AGBL4: variants seen among roughly 807,000 people sequenced by gnomAD.
AGBL4 encodes cytosolic carboxypeptidase 6.
Under a neutral mutation model 66.4 loss-of-function variants are expected in AGBL4, and 58 were observed. The ratio of observed to expected loss-of-function variants is 0.87; its 90% CI spans 0.71 to 1.09. AGBL4 has a LOEUF of 1.09. AGBL4 is among the 50% of genes least tolerant of loss of function. AGBL4 has a pLI of 0.00. For synonymous variants in AGBL4, 234 were observed against 222.9 expected (o/e 1.05, Z -0.44); for missense variants, 579 against 631.0 (o/e 0.92, Z 0.88).
intron 3 of AGBL4, among the ~76,000 whole-genome samples, chr1:49,645,641 T>C (rs1387106452): frequency 6.6e-6 from 1 of 151,138 alleles, no homozygotes; most frequent in Non-Finnish European, 1.5e-5. Flanking sequence ...ATCAAATTTA[T>C]AAAATCTCTT....
chr1:49,203,349 G>T (rs181345), intron 4 of AGBL4, among the ~76,000 whole-genome samples: 141,391 of 152,104 alleles, frequency 0.93, 65,821 homozygotes, highest in South Asian at 0.95. Context: ...ATATACACAA[G>T]AGCCAAGTTG....
At chr1:49,737,685 G>C (rs1459333197) in intron 2 of AGBL4, among the ~76,000 whole-genome samples, 2 of 152,128 alleles carry the variant, frequency 1.3e-5, no homozygotes, top group African/African-American at 4.8e-5. Context: ...TAAAATAAAA[G>C]TTGATATTTG....
Position 48,634,561 on chromosome 1 carries a change from G to T in AGBL4, c.883C>A (p.Pro295Thr). 1 of 1,606,348 alleles carries T rather than the reference G, an allele frequency of 6.2e-7. No homozygotes were observed. The highest frequency in any genetic ancestry group is 1.3e-5 in the African/African-American group (1 of 74,928). The change falls in exon 9 of 14, where the codon CCC becomes ACC. Residue 295 changes from proline (P) to threonine (T), a missense_variant. Coordinates refer to ENST00000371839, the MANE Select transcript of AGBL4 (RefSeq NM_032785.4). Reference protein sequence around the residue: ...GFDLNRHWLDPSPWVHPTLHG... With the variant: ...GFDLNRHWLDTSPWVHPTLHG... ...AGGGTAGGATGGACCCATGGAGAGG[G>T]ATCCAGCCAGTGACGATTCAGATCA...
At chr1:49,815,002 T>G (rs1440140485) in intron 2 of AGBL4, among the ~76,000 whole-genome samples, 1 of 152,156 alleles carries the variant, frequency 6.6e-6, no homozygotes, top group Non-Finnish European at 1.5e-5. Flanking sequence ...CCCTCAAGCG[T>G]TTATCCCTTG....
At chr1:49,128,152 G>GA (rs1214957541) in intron 4 of AGBL4, among the ~76,000 whole-genome samples, 1 of 151,944 alleles carries the variant, frequency 6.6e-6, no homozygotes, top group East Asian at 1.9e-4. Flanking sequence ...TTCTAGAGAT[G>GA]AAAAAATCCA....
At chr1:49,261,776 C>A (rs1179689735) in intron 3 of AGBL4, among the ~76,000 whole-genome samples, 68 of 147,656 alleles carry the variant, frequency 4.6e-4, no homozygotes, top group Admixed American at 3.0e-3. Context: ...ATCAAGCTAC[C>A]AATGACTTTC....
chr1:48,945,315 C>T (rs544322581), intron 5 of AGBL4, among the ~76,000 whole-genome samples: 68 of 152,206 alleles, frequency 4.5e-4, no homozygotes, highest in South Asian at 1.5e-3. Context: ...CAGAGAGACA[C>T]GGTTTGGAAA....
chr1:49,176,305 G>C (rs982489500), intron 4 of AGBL4, among the ~76,000 whole-genome samples: 2 of 152,120 alleles, frequency 1.3e-5, no homozygotes, highest in Non-Finnish European at 2.9e-5. Context: ...GTAAAAAGAA[G>C]TGAAGTCTCC....
At chr1:49,962,751 A>G (rs1657220594) in intron 1 of AGBL4, among the ~76,000 whole-genome samples, 1 of 152,148 alleles carries the variant, frequency 6.6e-6, no homozygotes, top group Admixed American at 6.6e-5. Flanking sequence ...ATAGTAATTT[A>G]CTTGACAATG....
chr1:49,569,468 T>C (rs1338787193), intron 3 of AGBL4, among the ~76,000 whole-genome samples: 3 of 152,170 alleles, frequency 2.0e-5, no homozygotes, highest in Non-Finnish European at 4.4e-5. Context: ...TATTAAAACA[T>C]TTCATGTACC....
At chr1:49,150,929 A>C (rs1646315112) in intron 4 of AGBL4, among the ~76,000 whole-genome samples, 1 of 152,176 alleles carries the variant, frequency 6.6e-6, no homozygotes, top group Admixed American at 6.5e-5. Context: ...TCTGAAATTA[A>C]TAGATTAATG....
intron 6 of AGBL4, among the ~76,000 whole-genome samples, chr1:48,814,935 T>A (rs1239039382): frequency 6.6e-6 from 1 of 152,184 alleles, no homozygotes; most frequent in East Asian, 1.9e-4. Context: ...GATTGCTGGA[T>A]CATGTAGTAG....
intron 4 of AGBL4, among the ~76,000 whole-genome samples, chr1:49,109,386 G>A (rs182870297): frequency 3.5e-4 from 53 of 152,218 alleles, no homozygotes; most frequent in African/African-American, 1.1e-3. Context: ...CTCAGTCCCT[G>A]CTAGAATCTC....
intron 2 of AGBL4, among the ~76,000 whole-genome samples, chr1:49,729,634 C>T (rs912678729): frequency 1.5e-4 from 23 of 151,978 alleles, no homozygotes; most frequent in African/African-American, 4.6e-4. Flanking sequence ...GGTGGACATA[C>T]GGAAGAAACT....
chr1:49,683,396 T>C (rs1025010496), intron 3 of AGBL4, among the ~76,000 whole-genome samples: 2 of 152,190 alleles, frequency 1.3e-5, no homozygotes, highest in African/African-American at 2.4e-5. Flanking sequence ...TAAGTAATAA[T>C]AATAGTAGCT....
downstream of AGBL4, among the ~76,000 whole-genome samples, chr1:48,530,761 T>A (rs763920491): frequency 6.6e-6 from 1 of 152,144 alleles, no homozygotes; most frequent in Non-Finnish European, 1.5e-5. Flanking sequence ...GAGAGCCAGG[T>A]TGAGACCTGT....
chr1:49,447,552 T>G (rs1392703602), intron 3 of AGBL4, among the ~76,000 whole-genome samples: 5 of 151,980 alleles, frequency 3.3e-5, no homozygotes, highest in African/African-American at 1.2e-4. Flanking sequence ...GTTCTCAGAG[T>G]GGGGTGGGGC....
At chr1:48,870,050 T>C (rs1247659255) in intron 5 of AGBL4, among the ~76,000 whole-genome samples, 2 of 152,048 alleles carry the variant, frequency 1.3e-5, no homozygotes, top group Non-Finnish European at 2.9e-5. Flanking sequence ...CCTCTTGAAA[T>C]CTTCCTGAAG....
chr1:49,638,877 G>A (rs1005552774), intron 3 of AGBL4, among the ~76,000 whole-genome samples: 1 of 152,090 alleles, frequency 6.6e-6, no homozygotes, highest in African/African-American at 2.4e-5. Flanking sequence ...CTACTAACAC[G>A]CCAATCCCTG....
Sources: allele counts gnomAD v4.1 joint callset (sites outside exome capture counted in the v4.1 genomes callset), GRCh38; gene constraint gnomAD v4.1.1; transcripts MANE v1.5; gene names NCBI Gene and HGNC (gene_info 2026-07-23, HGNC 2026-07-21).